TMEM63C: variants seen among roughly 807,000 people sequenced by gnomAD.
TMEM63C encodes the protein osmosensitive cation channel TMEM63C.
A neutral mutation model predicts 99.2 loss-of-function variants in TMEM63C; 32 were observed. That is an observed-to-expected ratio of 0.32 (90% CI 0.24 to 0.43). The LOEUF (loss-of-function observed/expected upper bound fraction) is 0.43. Ranked by LOEUF, TMEM63C falls within the 20% of genes least tolerant of loss-of-function variation. The probability of loss-of-function intolerance (pLI) is 1.00; values close to 1 mark genes in which losing one functional copy is unlikely to be tolerated. For synonymous variants in TMEM63C, 376 were observed against 397.9 expected (o/e 0.94, Z 0.66); for missense variants, 826 against 1,053.0 (o/e 0.78, Z 2.98).
At chr14:77,246,938 G>A (rs1338691848) in intron 18 of TMEM63C, among the ~76,000 whole-genome samples, 7 of 152,144 alleles carry the variant, frequency 4.6e-5, no homozygotes, top group Non-Finnish European at 2.9e-5. Flanking sequence ...TATGCAGGGT[G>A]GGTGTTCCAT....
At chr14:77,251,730 G>A (rs2140132914) in intron 21 of TMEM63C, 59 bp from the exon 22 acceptor site, 1 of 1,417,274 alleles carries the variant, frequency 7.1e-7, no homozygotes, top group South Asian at 1.1e-5. Flanking sequence ...GCATCTGCCA[G>A]TTGGGGTGGC....
chr14:77,219,503 C>T lies in TMEM63C; in HGVS notation c.156C>T (p.Val52=), dbSNP rs774328430. 8 of 1,613,846 alleles carry T rather than the reference C, an allele frequency of 5.0e-6. No homozygotes were observed. In the South Asian group the frequency reaches 8.8e-5, roughly 18 times the overall value. ...LCLNIALWVL[V]LVVYSFLRKA... ...TTGCTTTTCCTGGCCTGTAGCTCGT[C>T]CTTGTGGTTTACTCCTTCCTCCGGA... is the stretch of plus-strand genomic sequence containing the variant. The change falls in exon 4 of 24, where the codon GTC becomes GTT. Residue 52 remains valine (V), a synonymous_variant. Coordinates refer to ENST00000298351, the MANE Select transcript of TMEM63C (RefSeq NM_020431.4).
In TMEM63C at chr14:77,231,674, T is replaced by A. The variant is rs1376163491; in HGVS notation, c.437T>A (p.Ile146Asn). 2 of 1,551,616 alleles carry A rather than the reference T, an allele frequency of 1.3e-6. No individual in the cohort carries two copies. Among genetic ancestry groups the A allele is most frequent in the Non-Finnish European group, 1.7e-6 (2 of 1,147,020 alleles). The change falls in exon 7 of 24, where the codon ATC becomes AAC. Residue 146 changes from isoleucine to asparagine, a missense_variant. Coordinates refer to ENST00000298351, the MANE Select transcript of TMEM63C (RefSeq NM_020431.4). ...QYHLIIFVLI[I>N]CIPSLGIILP... The stretch of plus-strand genomic sequence containing the variant: ...CACCTCATCATCTTTGTGCTCATCA[T>A]CTGTATCCCCTCCCTGGGCATCATT...
intron 1 of TMEM63C, among the ~76,000 whole-genome samples, chr14:77,203,126 C>T (rs1472335211): frequency 6.6e-6 from 1 of 152,068 alleles, no homozygotes; most frequent in Non-Finnish European, 1.5e-5. Context: ...CCCTGTAATC[C>T]CAGCACTTTG....
rs1477193463 is a variant in TMEM63C at position 77,257,070 on chromosome 14, G to A, written c.*344G>A. The stretch of plus-strand genomic sequence containing the variant: ...GAAGGTGTTCCTAAGGGAGGAGACA[G>A]AAGGAGGCTGCCGAAGGCTCTGTGG... On this transcript the variant is annotated 3_prime_UTR_variant, in exon 24 of 24. Transcript: ENST00000298351. The A allele has an allele frequency of 4.0e-6, 1 of 252,516 alleles. No individual in the cohort carries two copies. The highest frequency in any genetic ancestry group is 2.2e-5 in the African/African-American group (1 of 45,024). 15.6% of individuals were successfully genotyped at this position (252,516 alleles called of 1,614,324 possible).
chr14:77,212,470 T>C (rs989923610), intron 1 of TMEM63C, among the ~76,000 whole-genome samples: 6 of 152,202 alleles, frequency 3.9e-5, no homozygotes, highest in Non-Finnish European at 7.4e-5. Context: ...CCTGCTGTGT[T>C]TTCTGTTGAC....
chr14:77,214,251 T>C (rs560604194), intron 2 of TMEM63C, among the ~76,000 whole-genome samples: 1 of 152,322 alleles, frequency 6.6e-6, no homozygotes, highest in African/African-American at 2.4e-5. Flanking sequence ...TGGGTACTAA[T>C]GGCTGTTGCC....
intron 17 of TMEM63C, 139 bp downstream of exon 17, chr14:77,246,165 A>G (rs1889265751): frequency 4.1e-6 from 3 of 729,094 alleles, no homozygotes; most frequent in Non-Finnish European, 4.9e-6. Context: ...TCATGGGTGT[A>G]GCATGAGCCG....
At position 77,220,476 on chromosome 14, in the gene TMEM63C, A is replaced by T. The variant is rs79934804; in HGVS notation, c.312+389A>T. On this transcript the variant is annotated intron_variant, in intron 5 of 23. Coordinates refer to ENST00000298351, the MANE Select transcript of TMEM63C (RefSeq NM_020431.4). ...ACATAGAAGATTCTAGTCATGTGGT[A>T]GGGATTCCCTCAGCCTCAGGCTTCC... 2.3e-3 allele frequency among the ~76,000 whole-genome samples: 350 copies of T among 152,206 alleles called. 5 individuals are homozygous for T. Among genetic ancestry groups the T allele is most frequent in the African/African-American group, 7.8e-3 (326 of 41,530 alleles).
chr14:77,214,907 C>T (rs1440237644), intron 2 of TMEM63C, among the ~76,000 whole-genome samples: 1 of 152,160 alleles, frequency 6.6e-6, no homozygotes, highest in East Asian at 1.9e-4. Flanking sequence ...CTTGGAACTC[C>T]AGTAGCTTTC....
intron 1 of TMEM63C, among the ~76,000 whole-genome samples, chr14:77,207,549 G>A (rs1383497143): frequency 6.6e-6 from 1 of 152,254 alleles, no homozygotes; most frequent in Non-Finnish European, 1.5e-5. Flanking sequence ...GCTGCGTGAT[G>A]TAGTGGAGGC....
intron 1 of TMEM63C, among the ~76,000 whole-genome samples, chr14:77,188,717 A>G (rs1489873609): frequency 6.6e-6 from 1 of 152,102 alleles, no homozygotes; most frequent in Non-Finnish European, 1.5e-5. Context: ...AGAAAAAAAA[A>G]TAGCCAAGTG....
chr14:77,189,318 A>G (rs1157869312), intron 1 of TMEM63C, among the ~76,000 whole-genome samples: 2 of 149,384 alleles, frequency 1.3e-5, no homozygotes, highest in African/African-American at 4.9e-5. Context: ...GGGTTTTGCT[A>G]TGTTTCCCAA....
chr14:77,230,167 C>T (rs1443920143), intron 6 of TMEM63C, among the ~76,000 whole-genome samples: 3 of 151,474 alleles, frequency 2.0e-5, no homozygotes, highest in Non-Finnish European at 2.9e-5. Context: ...GTGCCACTGC[C>T]CTCCAGCCTG....
intron 18 of TMEM63C, among the ~76,000 whole-genome samples, chr14:77,247,557 T>A (rs1002532541): frequency 2.6e-5 from 4 of 152,172 alleles, no homozygotes; most frequent in African/African-American, 9.7e-5. Flanking sequence ...CTTAAAAACA[T>A]CAGTATAAAA....
chr14:77,240,355 C>A, intron 12 of TMEM63C, 120 bp from the exon 13 acceptor site: 1 of 1,207,674 alleles, frequency 8.3e-7, no homozygotes, highest in Non-Finnish European at 1.1e-6. Context: ...GGGTCCTGGG[C>A]TCCTTGAGGT....
Position 77,239,659 on chromosome 14 carries a change from A to G in TMEM63C, c.863A>G (p.Lys288Arg), listed in dbSNP as rs1251398714. 1 of 1,613,258 alleles carries G rather than the reference A, an allele frequency of 6.2e-7. No individual in the cohort carries two copies. Among genetic ancestry groups the G allele is most frequent in the South Asian group, 1.1e-5 (1 of 90,920 alleles). The change falls in exon 12 of 24, where the codon AAG becomes AGG. Residue 288 changes from lysine (K) to arginine (R), a missense_variant. By Grantham distance (26) the Lys-to-Arg change is conservative (BLOSUM62 2). Transcript: ENST00000298351. ...FYTAKAKKTG[K>R]VMIRIHPCAR... ...ACAGCCAAGGCCAAGAAGACTGGGA[A>G]GGTGATGATCAGGATCCACCCCTGT...
At chr14:77,187,569 C>T (rs543685493) in intron 1 of TMEM63C, among the ~76,000 whole-genome samples, 6 of 152,350 alleles carry the variant, frequency 3.9e-5, no homozygotes, top group Non-Finnish European at 5.9e-5. Context: ...TTGTGCTGCA[C>T]GGAGCAGCCA....
chr14:77,193,952 A>G (rs1888155804), intron 1 of TMEM63C, among the ~76,000 whole-genome samples: 1 of 152,156 alleles, frequency 6.6e-6, no homozygotes, highest in Non-Finnish European at 1.5e-5. Context: ...GTGAGCTGGG[A>G]TCGTACCACT....
Sources: allele counts gnomAD v4.1 joint callset (sites outside exome capture counted in the v4.1 genomes callset), GRCh38; gene constraint gnomAD v4.1.1; transcripts MANE v1.5; gene names NCBI Gene and HGNC (gene_info 2026-07-23, HGNC 2026-07-21).